The following CACNA2D3 variants were observed in gnomAD, a reference collection of about 807,000 sequenced individuals.
The protein encoded by CACNA2D3 is voltage-dependent calcium channel subunit alpha-2/delta-3.
A neutral mutation model predicts 160.6 loss-of-function variants in CACNA2D3; 60 were observed. That is an observed-to-expected ratio of 0.37 (90% confidence interval 0.30 to 0.46). The LOEUF (loss-of-function observed/expected upper bound fraction) is 0.46, where lower values mean the gene tolerates loss of function less well. Among genes scored for constraint, CACNA2D3 ranks in the 20% least tolerant of loss-of-function variants. The probability of loss-of-function intolerance (pLI) is 1.00; values close to 1 mark genes in which losing one functional copy is unlikely to be tolerated. For synonymous variants in CACNA2D3, 558 were observed against 492.9 expected, an observed-to-expected ratio of 1.13 and a Z score of -1.75; for missense variants, 1,205 against 1,365.0, an observed-to-expected ratio of 0.88 and a Z score of 1.85.
At chr3:54,448,423 G>C (rs1700256078) in intron 4 of CACNA2D3, among the ~76,000 whole-genome samples, 1 of 152,160 alleles carries the variant, frequency 6.6e-6, no homozygotes, top group Non-Finnish European at 1.5e-5. Flanking sequence ...AATGTCGTCA[G>C]GACCCAAGCA....
intron 35 of CACNA2D3, among the ~76,000 whole-genome samples, chr3:55,067,105 G>T (rs989049339): frequency 2.0e-5 from 3 of 151,762 alleles, no homozygotes; most frequent in Non-Finnish European, 4.4e-5. Flanking sequence ...TTGTAGCGGG[G>T]GGGGCTTTTC....
chr3:54,865,021 G>A (rs973685048), intron 17 of CACNA2D3, among the ~76,000 whole-genome samples: 2 of 152,224 alleles, frequency 1.3e-5, no homozygotes, highest in Admixed American at 6.5e-5. Context: ...CCTTCATGAC[G>A]AATGATGGGA....
intron 2 of CACNA2D3, among the ~76,000 whole-genome samples, chr3:54,151,679 T>C (rs188872440): frequency 5.9e-5 from 9 of 152,310 alleles, no homozygotes; most frequent in Non-Finnish European, 1.5e-5. Flanking sequence ...GATGTGTCCA[T>C]GGACCAGGGA....
At chr3:55,070,388 CAG>C (rs1704775796) in intron 35 of CACNA2D3, among the ~76,000 whole-genome samples, 1 of 152,086 alleles carries the variant, frequency 6.6e-6, no homozygotes, top group Non-Finnish European at 1.5e-5. Flanking sequence ...TAAGGAAAAA[CAG>C]AGAAATGGGG....
chr3:54,814,713 A>G (rs1447455647), intron 13 of CACNA2D3, among the ~76,000 whole-genome samples: 1 of 152,214 alleles, frequency 6.6e-6, no homozygotes. Context: ...TGAGGACATC[A>G]CCACAAAGGC....
chr3:54,752,667 T>C lies in CACNA2D3; in HGVS notation c.1236T>C (p.Cys412=). ...AFADNLKWMA[C]ANKGFFTQIS... is the part of the protein sequence containing the mutation. ...CAGACAATCTAAAGTGGATGGCCTG[T>C]GCCAACAAAGGTGGGTCTTCGCATT... The change falls in exon 12 of 38, where the codon TGT becomes TGC. Residue 412 remains cysteine, a synonymous_variant. Transcript: ENST00000474759. 6.2e-7 allele frequency: 1 copy of C among 1,612,624 alleles called. No individual in the cohort carries two copies. Among genetic ancestry groups the C allele is most frequent in the Non-Finnish European group, 8.5e-7 (1 of 1,179,322 alleles).
chr3:54,757,558 C>CCTATTT (rs1166402191), intron 12 of CACNA2D3, among the ~76,000 whole-genome samples: 1 of 152,148 alleles, frequency 6.6e-6, no homozygotes, highest in Non-Finnish European at 1.5e-5. Flanking sequence ...AAGGAAGGCA[C>CCTATTT]AAACAGCAGC....
chr3:54,353,064 T>C (rs1698591858), intron 3 of CACNA2D3, among the ~76,000 whole-genome samples: 1 of 152,236 alleles, frequency 6.6e-6, no homozygotes, highest in African/African-American at 2.4e-5. Context: ...TTGATTGTAG[T>C]CAGCCTGATG....
intron 27 of CACNA2D3, among the ~76,000 whole-genome samples, chr3:54,928,289 G>A (rs1040413185): frequency 2.0e-5 from 3 of 152,068 alleles, no homozygotes; most frequent in South Asian, 2.1e-4. Flanking sequence ...CCAGTGCCTC[G>A]GCCTTTTTGA....
At chr3:54,646,140 T>C (rs796354027) in intron 11 of CACNA2D3, among the ~76,000 whole-genome samples, 1,285 of 23,502 alleles carry the variant, frequency 0.055, 134 homozygotes, top group Non-Finnish European at 0.12. Flanking sequence ...CCTTCCTTCC[T>C]TCCTTCCTTC....
chr3:54,138,407 C>T (rs1047778383), intron 2 of CACNA2D3, among the ~76,000 whole-genome samples: 10 of 152,114 alleles, frequency 6.6e-5, no homozygotes, highest in African/African-American at 2.4e-4. Context: ...AGCGGTGGTC[C>T]TCGGAGCATC....
chr3:54,851,233 T>G (rs1699051016), intron 17 of CACNA2D3, among the ~76,000 whole-genome samples: 1 of 152,208 alleles, frequency 6.6e-6, no homozygotes, highest in Non-Finnish European at 1.5e-5. Context: ...TAGGATATTA[T>G]GTGCCTTGGA....
Position 54,380,607 on chromosome 3 carries a change from G to A in CACNA2D3, c.322-6108G>A, listed in dbSNP as rs192884090. Among the ~76,000 whole-genome samples, 19 of 152,136 alleles carry A rather than the reference G, an allele frequency of 1.2e-4. No homozygotes were observed. The East Asian group carries it at 3.1e-3, about 25-fold the overall frequency. On this transcript the variant is annotated intron_variant, in intron 3 of 37. Transcript: ENST00000474759. ...CAAAAAATTAGCCAGGCATGGTAGC[G>A]GGCACCTGTAGTCCCAGCCACTCGG...
chr3:54,822,790 C>CTTTCTTTCCTTTCTTT (rs1491160047), intron 14 of CACNA2D3, among the ~76,000 whole-genome samples: 37 of 71,872 alleles, frequency 5.1e-4, no homozygotes, highest in East Asian at 3.3e-3. Context: ...TTCTTTCTTT[C>CTTTCTTTCCTTTCTTT]CTTTCTTTCT....
At chr3:54,582,212 G>A (rs528587615) in intron 9 of CACNA2D3, among the ~76,000 whole-genome samples, 2 of 152,322 alleles carry the variant, frequency 1.3e-5, no homozygotes, top group African/African-American at 4.8e-5. Context: ...GAACCCACTT[G>A]TTATTTCCCT....
At chr3:55,060,011 A>C (rs1465210232) in intron 35 of CACNA2D3, among the ~76,000 whole-genome samples, 1 of 152,080 alleles carries the variant, frequency 6.6e-6, no homozygotes, top group Non-Finnish European at 1.5e-5. Flanking sequence ...TGGTGGATCA[A>C]GAGGCAATAT....
intron 13 of CACNA2D3, among the ~76,000 whole-genome samples, chr3:54,778,125 A>G (rs1195625055): frequency 4.6e-5 from 7 of 152,264 alleles, no homozygotes; most frequent in Non-Finnish European, 8.8e-5. Context: ...GGCACGTCCT[A>G]CGTGGCTGGA....
Position 54,569,945 on chromosome 3 carries a change from T to C in CACNA2D3, c.738-9T>C. The C allele has an allele frequency of 2.5e-6, 4 of 1,613,866 alleles. No homozygotes were observed. The highest frequency in any genetic ancestry group is 3.4e-6 in the Non-Finnish European group (4 of 1,179,756). On this transcript the variant is annotated splice_polypyrimidine_tract_variant and intron_variant, in intron 7 of 37. Coordinates refer to ENST00000474759, the MANE Select transcript of CACNA2D3 (RefSeq NM_018398.3). ...GATTAATTTTGACTTAATTTTTCCC[T>C]TGACCTAGGTACATCCAGGCAGCAA...
intron 35 of CACNA2D3, among the ~76,000 whole-genome samples, chr3:55,044,155 G>C (rs1010230700): frequency 6.6e-6 from 1 of 152,126 alleles, no homozygotes; most frequent in Non-Finnish European, 1.5e-5. Context: ...AGTCTGCTGG[G>C]ATTTTGTTTG....
Sources: allele counts gnomAD v4.1 joint callset (sites outside exome capture counted in the v4.1 genomes callset), GRCh38; gene constraint gnomAD v4.1.1; transcripts MANE v1.5; gene names NCBI Gene and HGNC (gene_info 2026-07-23, HGNC 2026-07-21).